GRHL2: variants seen among roughly 807,000 people sequenced by gnomAD.
GRHL2 encodes grainyhead-like protein 2 homolog.
GRHL2 carries 21 observed loss-of-function variants against 83.8 expected under a neutral mutation model. The ratio of observed to expected loss-of-function variants is 0.25; its 90% CI spans 0.18 to 0.36. GRHL2 has a LOEUF of 0.36. GRHL2 is among the 10% of genes least tolerant of loss of function. The pLI is 1.00. For synonymous variants in GRHL2, 280 were observed against 278.9 expected (o/e 1.00, Z -0.04); for missense variants, 623 against 781.8 (o/e 0.80, Z 2.42).
At chr8:101,598,581 A>ATTTTTTT (rs61519476) in intron 7 of GRHL2, among the ~76,000 whole-genome samples, 4 of 117,646 alleles carry the variant, frequency 3.4e-5, no homozygotes, top group South Asian at 2.9e-4. Context: ...GGTCTCCTGA[A>ATTTTTTT]TTTTTTTTTT....
intron 9 of GRHL2, 48 bp downstream of exon 9, chr8:101,619,745 A>G (rs769586271): frequency 7.3e-7 from 1 of 1,371,738 alleles, no homozygotes; most frequent in South Asian, 1.2e-5. Context: ...TTTATTAGAT[A>G]TTACTTTTAA....
chr8:101,679,451 G>C, the GRHL2 span, among the ~76,000 whole-genome samples: 1 of 150,072 alleles, frequency 6.7e-6, no homozygotes, highest in Non-Finnish European at 1.5e-5. Flanking sequence ...ACTTCTGATT[G>C]GTGTACCTGA....
intron 1 of GRHL2, among the ~76,000 whole-genome samples, chr8:101,532,165 A>G (rs1233600248): frequency 1.3e-5 from 2 of 152,270 alleles, no homozygotes; most frequent in African/African-American, 4.8e-5. Flanking sequence ...ACTAGCAGTC[A>G]AACAATCATT....
At chr8:101,505,214 A>T (rs187866761) in intron 1 of GRHL2, among the ~76,000 whole-genome samples, 1 of 152,224 alleles carries the variant, frequency 6.6e-6, no homozygotes, top group African/African-American at 2.4e-5. Flanking sequence ...TTCATATTGT[A>T]TAGAAATTCT....
At chr8:101,522,744 T>C (rs867397853) in intron 1 of GRHL2, among the ~76,000 whole-genome samples, 5 of 123,478 alleles carry the variant, frequency 4.0e-5, no homozygotes, top group East Asian at 2.1e-4. Context: ...TATACATATA[T>C]ATATATACAC....
intron 1 of GRHL2, among the ~76,000 whole-genome samples, chr8:101,526,003 C>T (rs761774407): frequency 6.6e-6 from 1 of 152,106 alleles, no homozygotes; most frequent in Non-Finnish European, 1.5e-5. Context: ...TCAAAACATA[C>T]GAATTTAATG....
At chr8:101,552,858 T>A in intron 3 of GRHL2, 76 bp downstream of exon 3, 1 of 1,390,268 alleles carries the variant, frequency 7.2e-7, no homozygotes, top group Non-Finnish European at 1.0e-6. Context: ...TATGTTTTGT[T>A]CTTGAGAGGA....
chr8:101,589,404 G>T (rs72674244), intron 7 of GRHL2, among the ~76,000 whole-genome samples: 1 of 152,214 alleles, frequency 6.6e-6, no homozygotes, highest in African/African-American at 2.4e-5. Context: ...ACGCGTGCAT[G>T]TGTGTTTATG....
the GRHL2 span, among the ~76,000 whole-genome samples, chr8:101,674,914 C>T: frequency 3.1e-3 from 473 of 152,236 alleles, 2 homozygotes; most frequent in African/African-American, 0.01. Flanking sequence ...ACATGCAAAT[C>T]AATAAATGTA....
Position 101,545,870 on chromosome 8 carries a change from ATTTTTT to A in GRHL2, c.216+2459_216+2464del, listed in dbSNP as rs1174568425. 2.6e-4 allele frequency among the ~76,000 whole-genome samples: 22 copies of A among 83,626 alleles called. No homozygotes were observed. The East Asian group carries it at 6.4e-3, about 24-fold the overall frequency. 54.9% of individuals were successfully genotyped at this position (83,626 alleles called of 152,430 possible). ...GATCATTACAACTTCTCTTTGTAACATTTTTTTTTTTTTTTTTTTTTTTTTTTTTTG... is the reference window on the plus strand; with the variant it reads ...GATCATTACAACTTCTCTTTGTAACATTTTTTTTTTTTTTTTTTTTTTTTG... On this transcript the variant is annotated intron_variant, in intron 2 of 15. Coordinates refer to ENST00000646743, the MANE Select transcript of GRHL2 (RefSeq NM_024915.4).
chr8:101,558,663 G>C lies in GRHL2; in HGVS notation c.529G>C (p.Gly177Arg). 6.2e-7 allele frequency: 1 copy of C among 1,614,160 alleles called. No individual in the cohort carries two copies. The highest frequency in any genetic ancestry group is 1.1e-5 in the South Asian group (1 of 91,082). ...GGCCCCACCTGTGCACTATCCCCGG[G>C]GAGATGGGGAAGAGCAACGAGTGGT... is the stretch of plus-strand genomic sequence containing the variant. ...FMAPPVHYPR[G>R]DGEEQRVVIF... Residue 177 changes from glycine (G) to arginine (R), a missense_variant, in exon 4 of 16, where the codon GGA becomes CGA. By Grantham distance (125) the Gly-to-Arg change is moderately radical (BLOSUM62 -2). Coordinates refer to ENST00000646743, the MANE Select transcript of GRHL2 (RefSeq NM_024915.4).
At chr8:101,569,865 A>G (rs1811787188) in intron 4 of GRHL2, among the ~76,000 whole-genome samples, 1 of 152,242 alleles carries the variant, frequency 6.6e-6, no homozygotes, top group Non-Finnish European at 1.5e-5. Context: ...CTCATTTTAT[A>G]TAGGTAACAG....
intron 1 of GRHL2, among the ~76,000 whole-genome samples, chr8:101,519,453 C>T (rs562822057): frequency 1.3e-5 from 2 of 151,942 alleles, no homozygotes; most frequent in South Asian, 4.2e-4. Flanking sequence ...GGCTGGAGTC[C>T]AGTGGTGTGA....
At chr8:101,524,701 T>C (rs1810766102) in intron 1 of GRHL2, among the ~76,000 whole-genome samples, 1 of 152,214 alleles carries the variant, frequency 6.6e-6, no homozygotes, top group Non-Finnish European at 1.5e-5. Flanking sequence ...GTTTGTATTA[T>C]AAGAGTTCTT....
intron 1 of GRHL2, among the ~76,000 whole-genome samples, chr8:101,504,068 G>A (rs1810285703): frequency 6.6e-6 from 1 of 152,118 alleles, no homozygotes; most frequent in East Asian, 1.9e-4. Flanking sequence ...ATTAAGTGGA[G>A]ACACTTAAGA....
At chr8:101,644,873 G>T (rs1199285193) in intron 13 of GRHL2, among the ~76,000 whole-genome samples, 36 of 151,058 alleles carry the variant, frequency 2.4e-4, no homozygotes. Context: ...TTTGAGACAG[G>T]GTCTTGCTCT....
intron 5 of GRHL2, 45 bp downstream of exon 5, chr8:101,570,439 A>G: frequency 6.9e-7 from 1 of 1,453,818 alleles, no homozygotes; most frequent in Non-Finnish European, 9.7e-7. Context: ...TTAACTGATA[A>G]ACCTTTAAAT....
chr8:101,623,653 C>T (rs896094134), intron 9 of GRHL2, among the ~76,000 whole-genome samples: 2 of 122,924 alleles, frequency 1.6e-5, no homozygotes, highest in Non-Finnish European at 3.6e-5. Context: ...CACAGTAAGA[C>T]AGTTCACAGT....
At chr8:101,647,459 G>A (rs1438187672) in intron 13 of GRHL2, among the ~76,000 whole-genome samples, 1 of 152,170 alleles carries the variant, frequency 6.6e-6, no homozygotes, top group Non-Finnish European at 1.5e-5. Flanking sequence ...TTTATCTGCA[G>A]CAGCAATCAA....
Sources: allele counts gnomAD v4.1 joint callset (sites outside exome capture counted in the v4.1 genomes callset), GRCh38; gene constraint gnomAD v4.1.1; transcripts MANE v1.5; gene names NCBI Gene and HGNC (gene_info 2026-07-23, HGNC 2026-07-21).